The following SLCO5A1 variants were observed in gnomAD, a reference collection of about 807,000 sequenced individuals.
SLCO5A1 encodes organic anion transporter polypeptide-related protein 4.
In SLCO5A1, 39 loss-of-function variants were observed where a neutral mutation model predicts 65.1. That is an observed-to-expected ratio of 0.60 (90% CI 0.46 to 0.78). The LOEUF is 0.78. Ranked by LOEUF, SLCO5A1 falls within the 30% of genes least tolerant of loss-of-function variation. The pLI, the probability that SLCO5A1 is intolerant of heterozygous loss-of-function variation, is 0.00. For missense variants in SLCO5A1, 1,029 were observed against 1,069.4 expected (o/e 0.96, Z 0.53); for synonymous variants, 438 against 415.7 (o/e 1.05, Z -0.65).
chr8:69,675,146 G>T (rs1813497538), intron 9 of SLCO5A1, among the ~76,000 whole-genome samples: 1 of 148,744 alleles, frequency 6.7e-6, no homozygotes, highest in African/African-American at 2.5e-5. Context: ...AAATAATACT[G>T]TTTAACTTTT....
intron 3 of SLCO5A1, 188 bp downstream of exon 3, chr8:69,761,555 T>C (rs906783196): frequency 3.4e-6 from 2 of 593,244 alleles, no homozygotes; most frequent in Non-Finnish European, 5.8e-6. Context: ...TAAGATAACA[T>C]ATTCATAGGT....
At chr8:69,676,712 T>C (rs778675348) in intron 8 of SLCO5A1, 39 bp from the exon 9 acceptor site, 2 of 1,566,642 alleles carry the variant, frequency 1.3e-6, no homozygotes, top group South Asian at 2.3e-5. Context: ...TTTTAAATAG[T>C]AGCCCCAAGA....
chr8:69,808,873 G>A (rs1340326190), intron 2 of SLCO5A1, among the ~76,000 whole-genome samples: 2 of 152,156 alleles, frequency 1.3e-5, no homozygotes, highest in African/African-American at 4.8e-5. Context: ...GGGAGGCCGA[G>A]GCAGGTGGAT....
At chr8:69,793,297 T>G (rs988319820) in intron 2 of SLCO5A1, among the ~76,000 whole-genome samples, 2 of 152,148 alleles carry the variant, frequency 1.3e-5, no homozygotes, top group Non-Finnish European at 2.9e-5. Context: ...AAACTGTTTT[T>G]AAATAATATT....
At chr8:69,783,610 A>G (rs1818895856) in intron 2 of SLCO5A1, among the ~76,000 whole-genome samples, 1 of 151,974 alleles carries the variant, frequency 6.6e-6, no homozygotes. Flanking sequence ...TTTTTGTACC[A>G]AAGTCTTTGA....
intron 2 of SLCO5A1, among the ~76,000 whole-genome samples, chr8:69,828,396 A>G (rs1320017925): frequency 3.3e-5 from 5 of 152,042 alleles, no homozygotes; most frequent in African/African-American, 7.2e-5. Context: ...AGGTCAGGAG[A>G]TTGAGACCAT....
At chr8:69,737,112 T>C (rs1816595046) in intron 5 of SLCO5A1, among the ~76,000 whole-genome samples, 1 of 152,246 alleles carries the variant, frequency 6.6e-6, no homozygotes, top group Non-Finnish European at 1.5e-5. Flanking sequence ...CCCAATGTTG[T>C]ATGTCTTTAT....
At chr8:69,773,524 T>G (rs1002917791) in intron 2 of SLCO5A1, among the ~76,000 whole-genome samples, 12 of 152,206 alleles carry the variant, frequency 7.9e-5, no homozygotes, top group Admixed American at 3.9e-4. Context: ...GGCCTCTCTG[T>G]CCACCTCATT....
In SLCO5A1 at chr8:69,705,273, CT is replaced by C. The variant is rs767762574; in HGVS notation, c.1424-45del. On this transcript the variant is annotated intron_variant, in intron 5 of 9. Transcript: ENST00000260126. ...GAGGATTAATTTGAACTCATGTACACTATTATTCATCTTATCTATTCTGTCT... is the reference window on the plus strand; with the variant it reads ...GAGGATTAATTTGAACTCATGTACACATTATTCATCTTATCTATTCTGTCT... 6.3e-6 allele frequency: 10 copies of C among 1,576,922 alleles called. No homozygotes were observed. The Admixed American group carries it at 1.7e-4, about 27-fold the overall frequency.
chr8:69,752,026 T>C (rs980638359), intron 4 of SLCO5A1, among the ~76,000 whole-genome samples: 1 of 151,622 alleles, frequency 6.6e-6, no homozygotes, highest in Non-Finnish European at 1.5e-5. Context: ...GGTCCAGGAG[T>C]TCTAGATCAG....
intron 6 of SLCO5A1, among the ~76,000 whole-genome samples, chr8:69,687,514 C>G (rs1814055530): frequency 6.6e-6 from 1 of 152,040 alleles, no homozygotes; most frequent in East Asian, 1.9e-4. Flanking sequence ...CTCTTTAAGT[C>G]CAAAATCATT....
At chr8:69,813,949 C>A (rs1820310442) in intron 2 of SLCO5A1, among the ~76,000 whole-genome samples, 1 of 152,036 alleles carries the variant, frequency 6.6e-6, no homozygotes. Context: ...TTTAGATGAC[C>A]TTCAGCATAT....
chr8:69,676,792 T>C (rs1444474834), intron 8 of SLCO5A1, 119 bp from the exon 9 acceptor site: 4 of 702,280 alleles, frequency 5.7e-6, no homozygotes, highest in Non-Finnish European at 9.5e-6. Flanking sequence ...AAATATTTAA[T>C]TCACTATTAT....
intron 4 of SLCO5A1, among the ~76,000 whole-genome samples, chr8:69,742,737 C>T (rs1816839432): frequency 6.6e-6 from 1 of 151,142 alleles, no homozygotes; most frequent in African/African-American, 2.4e-5. Context: ...CACCCAGGGG[C>T]CTCCAAAGCC....
intron 2 of SLCO5A1, among the ~76,000 whole-genome samples, chr8:69,773,519 C>T (rs1194132686): frequency 6.6e-6 from 1 of 152,238 alleles, no homozygotes; most frequent in Non-Finnish European, 1.5e-5. Context: ...TCCAAGGCCT[C>T]TCTGTCCACC....
chr8:69,702,761 G>A (rs1814799872), intron 6 of SLCO5A1, among the ~76,000 whole-genome samples: 1 of 151,984 alleles, frequency 6.6e-6, no homozygotes, highest in African/African-American at 2.4e-5. Flanking sequence ...ACCAAAACTT[G>A]GACAATGAAG....
chr8:69,684,724 G>A (rs1813934055), intron 6 of SLCO5A1, among the ~76,000 whole-genome samples: 1 of 152,158 alleles, frequency 6.6e-6, no homozygotes, highest in African/African-American at 2.4e-5. Flanking sequence ...CCATTTTGCT[G>A]TACACTGCTT....
chr8:69,817,005 G>A (rs193073392), intron 2 of SLCO5A1, among the ~76,000 whole-genome samples: 1 of 152,152 alleles, frequency 6.6e-6, no homozygotes, highest in East Asian at 1.9e-4. Context: ...TGTATAACCT[G>A]GACAGATCTC....
intron 6 of SLCO5A1, among the ~76,000 whole-genome samples, chr8:69,699,857 G>A (rs762760246): frequency 3.3e-5 from 5 of 152,192 alleles, no homozygotes; most frequent in African/African-American, 4.8e-5. Flanking sequence ...GGTGGCTCAC[G>A]CCTGTAATCC....
Sources: gnomAD v4.1 joint callset for allele counts (sites outside exome capture counted in the v4.1 genomes callset) on GRCh38, gnomAD v4.1.1 for gene constraint, MANE v1.5 for transcripts, NCBI Gene and HGNC (gene_info 2026-07-23, HGNC 2026-07-21) for gene names.